Variants in RBFOX1 observed in about 807,000 individuals in gnomAD.
The protein encoded by RBFOX1 is RNA binding protein fox-1 homolog 1.
A neutral mutation model predicts 57.7 loss-of-function variants in RBFOX1; 8 were observed. The ratio of observed to expected loss-of-function variants is 0.14; its 90% CI spans 0.08 to 0.25. RBFOX1 has a LOEUF of 0.25. Among genes scored for constraint, RBFOX1 ranks in the 10% least tolerant of loss-of-function variants. The probability of loss-of-function intolerance (pLI) is 1.00; values close to 1 mark genes in which losing one functional copy is unlikely to be tolerated. For missense variants in RBFOX1, 611 were observed against 548.5 expected (o/e 1.11, Z -1.14); for synonymous variants, 326 against 222.4 (o/e 1.47, Z -4.15).
At chr16:6,313,104 C>A (rs72778223) in intron 1 of RBFOX1, among the ~76,000 whole-genome samples, 48,220 of 151,812 alleles carry the variant, frequency 0.32, 8,083 homozygotes, top group Middle Eastern at 0.41. Flanking sequence ...CATAGCATGC[C>A]AGGCATCCCT....
chr16:7,156,380 C>T (rs1454706023), intron 4 of RBFOX1, among the ~76,000 whole-genome samples: 1 of 151,390 alleles, frequency 6.6e-6, no homozygotes, highest in Non-Finnish European at 1.5e-5. Flanking sequence ...TATGCGTGTA[C>T]ATATATGCAC....
chr16:6,201,664 G>A (rs999030336), intron 1 of RBFOX1, among the ~76,000 whole-genome samples: 3 of 152,166 alleles, frequency 2.0e-5, no homozygotes, highest in Admixed American at 1.3e-4. Flanking sequence ...AACTAAAAGA[G>A]TGGAATTAGA....
At chr16:6,242,630 ACACACACACACAC>A (rs2097545876) in intron 1 of RBFOX1, among the ~76,000 whole-genome samples, 1 of 35,016 alleles carries the variant, frequency 2.9e-5, no homozygotes, top group Non-Finnish European at 6.5e-5. Context: ...TTTATTGCAA[ACACACACACACAC>A]ACACACACAC....
intron 9 of RBFOX1, among the ~76,000 whole-genome samples, chr16:7,606,118 A>AT (rs34232105): frequency 0.41 from 47,142 of 114,578 alleles, 10,831 homozygotes; most frequent in Middle Eastern, 0.53. Flanking sequence ...ACCTGCATGG[A>AT]TTTTTTTTTT....
At chr16:7,695,596 G>C (rs759800410) in intron 14 of RBFOX1, among the ~76,000 whole-genome samples, 4 of 146,250 alleles carry the variant, frequency 2.7e-5, no homozygotes, top group Non-Finnish European at 4.4e-5. Context: ...AGGTTGCAGT[G>C]AGCAGAGACT....
intron 3 of RBFOX1, among the ~76,000 whole-genome samples, chr16:5,815,331 C>A (rs1453925010): frequency 6.6e-6 from 1 of 151,882 alleles, no homozygotes; most frequent in Non-Finnish European, 1.5e-5. Context: ...ATGTGGGTCT[C>A]CTTTAAATTC....
intron 6 of RBFOX1, among the ~76,000 whole-genome samples, chr16:7,583,029 TCAG>T (rs1466190202): frequency 1.3e-5 from 2 of 152,230 alleles, no homozygotes; most frequent in African/African-American, 4.8e-5. Context: ...ATTTGTATCT[TCAG>T]CACATCATGA....
chr16:5,832,744 G>C (rs895629641), intron 3 of RBFOX1, among the ~76,000 whole-genome samples: 1 of 152,176 alleles, frequency 6.6e-6, no homozygotes. Flanking sequence ...TTAAAAAGCT[G>C]AGTCTGAGTC....
chr16:7,505,086 G>C (rs2072787238), intron 4 of RBFOX1, among the ~76,000 whole-genome samples: 2 of 151,502 alleles, frequency 1.3e-5, no homozygotes. Context: ...GAGTGAGTCA[G>C]AACATGTCTC....
intron 3 of RBFOX1, among the ~76,000 whole-genome samples, chr16:7,012,111 A>T (rs528706079): frequency 6.6e-6 from 1 of 152,302 alleles, no homozygotes; most frequent in East Asian, 1.9e-4. Flanking sequence ...ACAGCTTCAG[A>T]ATCCATCCAG....
intron 4 of RBFOX1, among the ~76,000 whole-genome samples, chr16:7,360,054 G>A (rs987137411): frequency 6.6e-6 from 1 of 151,960 alleles, no homozygotes; most frequent in African/African-American, 2.4e-5. Context: ...ACACTATATA[G>A]TCTTTCTATA....
intron 3 of RBFOX1, among the ~76,000 whole-genome samples, chr16:6,937,145 A>G (rs977107226): frequency 6.6e-6 from 1 of 152,200 alleles, no homozygotes; most frequent in African/African-American, 2.4e-5. Context: ...TACCTTTAAA[A>G]TGTTATCAAA....
chr16:6,661,906 C>T lies in RBFOX1; in HGVS notation c.-16+7256C>T, dbSNP rs148361522. On this transcript the variant is annotated intron_variant, in intron 3 of 15. Coordinates refer to ENST00000550418, the MANE Select transcript of RBFOX1 (RefSeq NM_018723.4). ...GGCTATAAGGATATATGAGAATATCCATTTTAACATCATGGGAGTTCTACA... is the reference window on the plus strand; with the variant it reads ...GGCTATAAGGATATATGAGAATATCTATTTTAACATCATGGGAGTTCTACA... Among the ~76,000 whole-genome samples, 1,410 of 152,048 alleles carry T rather than the reference C, an allele frequency of 9.3e-3. 8 individuals carry two copies. Among genetic ancestry groups the T allele is most frequent in the Non-Finnish European group, 0.014 (973 of 68,014 alleles).
intron 5 of RBFOX1, among the ~76,000 whole-genome samples, chr16:7,559,493 C>G (rs913579410): frequency 6.6e-6 from 1 of 152,134 alleles, no homozygotes; most frequent in African/African-American, 2.4e-5. Context: ...ATATAAAAGT[C>G]TTTCTTTTTA....
rs577247802 is a variant in RBFOX1 at position 5,388,395 on chromosome 16, G to A, written c.220-78821G>A. 2.0e-5 allele frequency among the ~76,000 whole-genome samples: 3 copies of A among 152,274 alleles called. No homozygotes were observed. In the South Asian group the frequency reaches 6.2e-4, roughly 32 times the overall value. Reference sequence around the variant, plus strand: ...CCAGGTCCTAAATATGTCAGGCCTTGTGGTCCAATAGGCACAGTCAAGGAT... The same window carrying A: ...CCAGGTCCTAAATATGTCAGGCCTTATGGTCCAATAGGCACAGTCAAGGAT... On this transcript the variant is annotated intron_variant, in intron 1 of 2. Transcript: ENST00000585867.
At chr16:6,287,305 C>A (rs1313990034) in intron 1 of RBFOX1, among the ~76,000 whole-genome samples, 3 of 152,114 alleles carry the variant, frequency 2.0e-5, no homozygotes, top group African/African-American at 7.2e-5. Flanking sequence ...CATGGTGTTG[C>A]CAGCTCTATC....
intron 3 of RBFOX1, among the ~76,000 whole-genome samples, chr16:6,838,825 T>G (rs1328795749): frequency 1.3e-5 from 2 of 152,148 alleles, no homozygotes; most frequent in Non-Finnish European, 2.9e-5. Flanking sequence ...TTCTCAGCTT[T>G]CTCAGGTGCT....
At chr16:6,490,635 A>G (rs931130910) in intron 2 of RBFOX1, among the ~76,000 whole-genome samples, 2 of 152,216 alleles carry the variant, frequency 1.3e-5, no homozygotes, top group African/African-American at 2.4e-5. Context: ...GAGGCAGGAC[A>G]CAGATTTTTT....
intron 4 of RBFOX1, among the ~76,000 whole-genome samples, chr16:7,447,051 A>C (rs564208949): frequency 1.3e-5 from 2 of 151,672 alleles, no homozygotes; most frequent in East Asian, 3.9e-4. Context: ...TGACCTTGTG[A>C]TCTACCCGCC....
Sources: gnomAD v4.1 joint callset for allele counts (sites outside exome capture counted in the v4.1 genomes callset) on GRCh38, gnomAD v4.1.1 for gene constraint, MANE v1.5 for transcripts, NCBI Gene and HGNC (gene_info 2026-07-23, HGNC 2026-07-21) for gene names.